The following KIF6 variants were observed in gnomAD, a reference collection of about 807,000 sequenced individuals.
KIF6 encodes kinesin-like protein KIF6.
A neutral mutation model predicts 112.7 loss-of-function variants in KIF6; 106 were observed. That is an observed-to-expected ratio of 0.94 (90% confidence interval 0.80 to 1.11). KIF6 has a LOEUF of 1.11. Among genes scored for constraint, KIF6 ranks in the 50% least tolerant of loss-of-function variants. The probability of loss-of-function intolerance (pLI) is 0.00; values close to 1 mark genes in which losing one functional copy is unlikely to be tolerated. For missense variants in KIF6, 929 were observed against 964.0 expected (o/e 0.96, Z 0.48); for synonymous variants, 339 against 339.9 (o/e 1.00, Z 0.03).
chr6:39,337,683 A>G (rs1342323910), intron 22 of KIF6, among the ~76,000 whole-genome samples: 1 of 152,042 alleles, frequency 6.6e-6, no homozygotes, highest in Non-Finnish European at 1.5e-5. Flanking sequence ...CCAGATATTA[A>G]TTATATTCCA....
chr6:39,332,245 C>T lies in KIF6; in HGVS notation c.*4287G>A, dbSNP rs1762769641. On this transcript the variant is annotated 3_prime_UTR_variant, in exon 23 of 23. Transcript: ENST00000287152. Reference sequence around the variant, plus strand: ...TATAGGAGTGAGCCACCACACCCGGCCTCTATTTCTATTGATGGTTTTTTC... The same window carrying T: ...TATAGGAGTGAGCCACCACACCCGGTCTCTATTTCTATTGATGGTTTTTTC... 1 of 152,160 alleles carries T rather than the reference C, an allele frequency of 6.6e-6. No homozygotes were observed. Among genetic ancestry groups the T allele is most frequent in the Non-Finnish European group, 1.5e-5 (1 of 68,038 alleles). 9.4% of individuals were successfully genotyped at this position (152,160 alleles called of 1,614,324 possible). A position where few individuals can be genotyped will look rare whatever the true frequency, so the allele number is the denominator to read the frequency against.
At chr6:39,617,530 TC>T (rs2150728990) in intron 5 of KIF6, among the ~76,000 whole-genome samples, 1 of 152,262 alleles carries the variant, frequency 6.6e-6, no homozygotes, top group South Asian at 2.1e-4. Context: ...TTTGCAAATG[TC>T]CCCTATGATG....
rs74897003 is a variant in KIF6 at position 39,397,434 on chromosome 6, A to G, written c.1811-11762T>C. 7.8e-3 allele frequency among the ~76,000 whole-genome samples: 1,183 copies of G among 152,224 alleles called. 15 individuals are homozygous for G. Among genetic ancestry groups the G allele is most frequent in the African/African-American group, 0.027 (1,127 of 41,534 alleles). ...GTTTCCTCTGAGGCTAAATATTTTC[A>G]AAGAGGAAAGAGGAAGGAGAGAGGT... is the stretch of plus-strand genomic sequence containing the variant. On this transcript the variant is annotated intron_variant, in intron 15 of 22. Coordinates refer to ENST00000287152, the MANE Select transcript of KIF6 (RefSeq NM_145027.6).
At chr6:39,536,214 A>T (rs554003310) in intron 13 of KIF6, among the ~76,000 whole-genome samples, 1 of 152,204 alleles carries the variant, frequency 6.6e-6, no homozygotes, top group Non-Finnish European at 1.5e-5. Flanking sequence ...AACTAAAATC[A>T]GAGCAGAACT....
At chr6:39,725,054 C>A (rs143585009) in intron 1 of KIF6, among the ~76,000 whole-genome samples, 191 bp downstream of exon 1, 1,570 of 152,284 alleles carry the variant, frequency 0.01, 17 homozygotes, top group Non-Finnish European at 0.015. Flanking sequence ...GGCTGTCGGT[C>A]GCGTAGCTGA....
chr6:39,345,851 G>T, intron 20 of KIF6, 62 bp from the exon 21 acceptor site: 1 of 1,237,916 alleles, frequency 8.1e-7, no homozygotes, highest in Non-Finnish European at 1.2e-6. Flanking sequence ...AGGAAATTCA[G>T]GGTTTATATC....
intron 13 of KIF6, among the ~76,000 whole-genome samples, chr6:39,529,875 C>T (rs985783390): frequency 6.6e-6 from 1 of 152,226 alleles, no homozygotes; most frequent in African/African-American, 2.4e-5. Flanking sequence ...GTTCTTTCTT[C>T]CATCTTTGAA....
At chr6:39,470,739 T>C (rs189581968) in intron 13 of KIF6, among the ~76,000 whole-genome samples, 1 of 147,242 alleles carries the variant, frequency 6.8e-6, no homozygotes, top group Non-Finnish European at 1.5e-5. Flanking sequence ...TGGAGAGAAG[T>C]GTTAACTCTG....
chr6:39,443,153 T>TA (rs1445578140), intron 13 of KIF6, among the ~76,000 whole-genome samples: 50 of 118,002 alleles, frequency 4.2e-4, no homozygotes, highest in African/African-American at 4.3e-4. Context: ...ATAATAATAA[T>TA]AATAATAAAT....
intron 3 of KIF6, among the ~76,000 whole-genome samples, chr6:39,662,000 T>G (rs765241708): frequency 6.6e-6 from 1 of 152,208 alleles, no homozygotes; most frequent in Non-Finnish European, 1.5e-5. Flanking sequence ...AAAGTTTAAA[T>G]AATTAAGAAT....
At chr6:39,401,516 T>C (rs1356619987) in intron 15 of KIF6, among the ~76,000 whole-genome samples, 1 of 152,152 alleles carries the variant, frequency 6.6e-6, no homozygotes, top group African/African-American at 2.4e-5. Context: ...TTGGAGACTC[T>C]AGGGGCCTGT....
At position 39,596,749 on chromosome 6, in the gene KIF6, A is replaced by C. The variant is rs140855033; in HGVS notation, c.640-489T>G. ...GACAATACAATAAACAAGAAAAAGA[A>C]ATAGAAGGCATAATAGTAGGAAAAG... On this transcript the variant is annotated intron_variant, in intron 6 of 22. Transcript: ENST00000287152. 3.7e-3 allele frequency among the ~76,000 whole-genome samples: 560 copies of C among 152,330 alleles called. 4 individuals are homozygous for C. The highest frequency in any genetic ancestry group is 0.013 in the African/African-American group (535 of 41,560).
At chr6:39,645,451 G>A (rs1050889092) in intron 3 of KIF6, among the ~76,000 whole-genome samples, 11 of 152,000 alleles carry the variant, frequency 7.2e-5, no homozygotes, top group South Asian at 2.1e-4. Flanking sequence ...GTTTACCTCC[G>A]GATGCAAAGG....
intron 13 of KIF6, among the ~76,000 whole-genome samples, chr6:39,454,515 G>C (rs1319707229): frequency 6.9e-6 from 1 of 144,570 alleles, no homozygotes; most frequent in Non-Finnish European, 1.5e-5. Context: ...AGATATAATA[G>C]TGATACTGAG....
intron 5 of KIF6, among the ~76,000 whole-genome samples, chr6:39,619,191 A>T (rs1783686247): frequency 6.6e-6 from 1 of 152,228 alleles, no homozygotes. Flanking sequence ...ACTGCAAAAT[A>T]TTCTGAGTAA....
At chr6:39,589,052 T>C (rs1392503161) in intron 7 of KIF6, among the ~76,000 whole-genome samples, 1 of 152,226 alleles carries the variant, frequency 6.6e-6, no homozygotes, top group Non-Finnish European at 1.5e-5. Context: ...CTGTTCGACT[T>C]ATCTGACATC....
intron 13 of KIF6, among the ~76,000 whole-genome samples, chr6:39,517,074 A>T (rs1343595793): frequency 6.6e-6 from 1 of 152,154 alleles, no homozygotes; most frequent in Non-Finnish European, 1.5e-5. Flanking sequence ...GGAAACGGGC[A>T]TCCATACTGT....
intron 7 of KIF6, 104 bp downstream of exon 7, chr6:39,595,950 A>G (rs1782226701): frequency 2.4e-6 from 2 of 832,658 alleles, no homozygotes; most frequent in Non-Finnish European, 3.7e-6. Flanking sequence ...TGTTATATAT[A>G]TTTCATCATA....
intron 10 of KIF6, among the ~76,000 whole-genome samples, chr6:39,561,504 AC>A (rs1780006948): frequency 6.6e-6 from 1 of 151,838 alleles, no homozygotes; most frequent in Admixed American, 6.6e-5. Context: ...AGCACAGGTC[AC>A]CACGCCCGGT....
Sources: gnomAD v4.1 joint callset for allele counts (sites outside exome capture counted in the v4.1 genomes callset) on GRCh38, gnomAD v4.1.1 for gene constraint, MANE v1.5 for transcripts, NCBI Gene and HGNC (gene_info 2026-07-23, HGNC 2026-07-21) for gene names.